Variants in TANGO6 observed in about 807,000 individuals in gnomAD.
The protein encoded by TANGO6 is transport and Golgi organization protein 6 homolog.
A neutral mutation model predicts 114.2 loss-of-function variants in TANGO6; 90 were observed. The observed-to-expected ratio is 0.79, with a 90% CI of 0.66 to 0.94. The LOEUF (loss-of-function observed/expected upper bound fraction) is 0.94. Ranked by LOEUF, TANGO6 falls within the 40% of genes least tolerant of loss-of-function variation. The pLI is 0.00. For synonymous variants in TANGO6, 477 were observed against 509.8 expected, an observed-to-expected ratio of 0.94 and a Z score of 0.87; for missense variants, 1,274 against 1,315.3, an observed-to-expected ratio of 0.97 and a Z score of 0.49.
chr16:69,004,162 C>G (rs1434015298), intron 15 of TANGO6, among the ~76,000 whole-genome samples: 1 of 152,026 alleles, frequency 6.6e-6, no homozygotes, highest in Non-Finnish European at 1.5e-5. Flanking sequence ...TATGAGTGCT[C>G]TTTTACTTAT....
At chr16:69,062,595 C>T (rs575628749) in intron 17 of TANGO6, among the ~76,000 whole-genome samples, 1 of 151,640 alleles carries the variant, frequency 6.6e-6, no homozygotes, top group Non-Finnish European at 1.5e-5. Flanking sequence ...GCCTCAGCCT[C>T]CCGAGTAGCT....
At chr16:68,903,615 C>CAAAAAA (rs1175415785) in intron 9 of TANGO6, among the ~76,000 whole-genome samples, 1 of 59,248 alleles carries the variant, frequency 1.7e-5, no homozygotes, top group Non-Finnish European at 3.3e-5. Context: ...GAGACCATCT[C>CAAAAAA]AAAAAAAAAA....
At chr16:69,079,516 A>G (rs1960435195) in intron 17 of TANGO6, among the ~76,000 whole-genome samples, 1 of 152,076 alleles carries the variant, frequency 6.6e-6, no homozygotes, top group South Asian at 2.1e-4. Context: ...AAAATTTCAC[A>G]AAGAAAAAAT....
At chr16:69,062,164 A>G (rs189352815) in intron 17 of TANGO6, among the ~76,000 whole-genome samples, 11 of 152,340 alleles carry the variant, frequency 7.2e-5, no homozygotes, top group Admixed American at 3.9e-4. Flanking sequence ...GTCAAAACTT[A>G]TTCTGACCGC....
chr16:68,967,309 A>C (rs1005360246), intron 14 of TANGO6, among the ~76,000 whole-genome samples: 3 of 152,174 alleles, frequency 2.0e-5, no homozygotes, highest in African/African-American at 7.2e-5. Flanking sequence ...GATCCCTTGC[A>C]TGTGCAGTTC....
chr16:68,980,435 ATTTTT>A (rs1291932299), intron 15 of TANGO6, among the ~76,000 whole-genome samples: 22 of 61,804 alleles, frequency 3.6e-4, no homozygotes, highest in African/African-American at 7.2e-4. Context: ...ATATATATAT[ATTTTT>A]TTTTTTTTTT....
intron 15 of TANGO6, among the ~76,000 whole-genome samples, chr16:68,993,773 G>A (rs1371831365): frequency 1.1e-4 from 16 of 152,190 alleles, no homozygotes; most frequent in Admixed American, 1.0e-3. Context: ...TTACAGAATT[G>A]TAAAGACAGT....
chr16:69,022,102 G>A (rs1043002912), intron 15 of TANGO6, among the ~76,000 whole-genome samples: 1 of 151,730 alleles, frequency 6.6e-6, no homozygotes, highest in Non-Finnish European at 1.5e-5. Context: ...TAGCCAGGAT[G>A]GTCTAGATCT....
At chr16:68,860,630 T>TA in intron 2 of TANGO6, 106 bp downstream of exon 2, 1 of 1,381,648 alleles carries the variant, frequency 7.2e-7, no homozygotes, top group Non-Finnish European at 9.7e-7. Flanking sequence ...TCTTCAGAAC[T>TA]GGATATGCCA....
Position 69,042,230 on chromosome 16 carries a change from T to C in TANGO6, c.3108+1809T>C, listed in dbSNP as rs1255288616. ...CAACTAATAGTGACACAAAGGAATA[T>C]GGGGAAGATCTGGCTGACTCATAAA... On this transcript the variant is annotated intron_variant, in intron 17 of 17. Coordinates refer to ENST00000261778, the MANE Select transcript of TANGO6 (RefSeq NM_024562.2). Among the ~76,000 whole-genome samples, 5 of 152,232 alleles carry C rather than the reference T, an allele frequency of 3.3e-5. No homozygotes were observed. In the East Asian group the frequency reaches 7.7e-4, roughly 24 times the overall value.
chr16:68,868,492 ATTT>A (rs765054621), intron 4 of TANGO6, among the ~76,000 whole-genome samples: 2,137 of 93,620 alleles, frequency 0.023, 33 homozygotes, highest in East Asian at 0.13. Flanking sequence ...CTATATTTCT[ATTT>A]TTTTTTTTTT....
At chr16:68,979,863 G>A (rs32860) in intron 15 of TANGO6, among the ~76,000 whole-genome samples, 54,079 of 107,004 alleles carry the variant, frequency 0.51, 11,721 homozygotes, top group East Asian at 0.6. Context: ...TTTTTTTTTT[G>A]TAGTGGAGTC....
rs750201074 is a variant in TANGO6 at position 68,974,070 on chromosome 16, C to T, written c.2744C>T (p.Pro915Leu). 16 of 1,612,898 alleles carry T rather than the reference C, an allele frequency of 9.9e-6. No homozygotes were observed. Among genetic ancestry groups the T allele is most frequent in the Non-Finnish European group, 1.3e-5 (15 of 1,179,524 alleles). ...LSDVYPEKIL[P>L]DLLAQYDSSK... ...GACGTCTATCCTGAGAAAATCTTGC[C>T]GGACTTGTTGGCTCAATATGACAGC... is the stretch of plus-strand genomic sequence containing the variant. Residue 915 changes from proline (P) to leucine (L), a missense_variant, in exon 15 of 18, where the codon CCG becomes CTG. Pro to Leu is a moderately conservative substitution (Grantham distance 98, BLOSUM62 -3). Transcript: ENST00000261778.
chr16:68,973,453 C>T (rs1381701475), intron 14 of TANGO6, among the ~76,000 whole-genome samples: 50 of 152,126 alleles, frequency 3.3e-4, no homozygotes, highest in Non-Finnish European at 8.8e-5. Flanking sequence ...TCTCACCTCC[C>T]TGCCACCCCT....
intron 10 of TANGO6, 147 bp from the exon 11 acceptor site, chr16:68,909,064 C>T: frequency 1.6e-6 from 1 of 622,710 alleles, no homozygotes. Context: ...AGCTTGTCTC[C>T]AAGTTTTGGC....
chr16:68,932,669 A>T (rs1034179255), intron 14 of TANGO6, among the ~76,000 whole-genome samples: 2 of 152,074 alleles, frequency 1.3e-5, no homozygotes, highest in African/African-American at 2.4e-5. Flanking sequence ...GGGCACCTGT[A>T]ATCCCGGCTA....
At chr16:69,064,566 T>A (rs895077235) in intron 17 of TANGO6, among the ~76,000 whole-genome samples, 2 of 152,188 alleles carry the variant, frequency 1.3e-5, no homozygotes, top group African/African-American at 2.4e-5. Context: ...GAAGATCAAA[T>A]TCTCTGCATG....
intron 9 of TANGO6, 135 bp downstream of exon 9, chr16:68,902,639 T>G (rs1962800920): frequency 1.3e-6 from 1 of 760,752 alleles, no homozygotes; most frequent in Non-Finnish European, 2.0e-6. Context: ...GCTATTTATA[T>G]TCTCTAAATG....
intron 11 of TANGO6, among the ~76,000 whole-genome samples, chr16:68,918,487 G>A (rs908531640): frequency 2.6e-5 from 4 of 152,128 alleles, no homozygotes; most frequent in Non-Finnish European, 5.9e-5. Flanking sequence ...TTATAATTTT[G>A]TATTTTGCAT....
Sources: allele counts gnomAD v4.1 joint callset (sites outside exome capture counted in the v4.1 genomes callset), GRCh38; gene constraint gnomAD v4.1.1; transcripts MANE v1.5; gene names NCBI Gene and HGNC (gene_info 2026-07-23, HGNC 2026-07-21).